PTPRD: variants seen among roughly 807,000 people sequenced by gnomAD.
The protein encoded by PTPRD is receptor-type tyrosine-protein phosphatase delta.
Under a neutral mutation model 214.5 loss-of-function variants are expected in PTPRD, and 34 were observed. The ratio of observed to expected loss-of-function variants is 0.16; its 90% CI spans 0.12 to 0.21. PTPRD has a LOEUF of 0.21. Ranked by LOEUF, PTPRD falls within the 10% of genes least tolerant of loss-of-function variation. The pLI, the probability that PTPRD is intolerant of heterozygous loss-of-function variation, is 1.00. For synonymous variants in PTPRD, 1,128 were observed against 845.7 expected, an observed-to-expected ratio of 1.33 and a Z score of -5.79; for missense variants, 2,545 against 2,398.7, an observed-to-expected ratio of 1.06 and a Z score of -1.27.
chr9:10,084,687 G>C (rs552495578), intron 3 of PTPRD, among the ~76,000 whole-genome samples: 2 of 151,914 alleles, frequency 1.3e-5, no homozygotes, highest in East Asian at 3.9e-4. Context: ...GGTTTTACAA[G>C]ACACACAACT....
intron 11 of PTPRD, among the ~76,000 whole-genome samples, chr9:8,910,918 G>T (rs142047147): frequency 6.6e-6 from 1 of 152,252 alleles, no homozygotes. Flanking sequence ...GTACACAGAA[G>T]ACTACAAAAC....
chr9:9,407,834 T>C (rs1468233964), intron 8 of PTPRD, among the ~76,000 whole-genome samples: 3 of 151,866 alleles, frequency 2.0e-5, no homozygotes, highest in African/African-American at 7.2e-5. Flanking sequence ...TGTATTACTA[T>C]ATTTATGATA....
intron 38 of PTPRD, 124 bp from the exon 39 acceptor site, chr9:8,376,214 T>C: frequency 1.8e-6 from 2 of 1,117,994 alleles, no homozygotes; most frequent in South Asian, 3.3e-5. Flanking sequence ...CTGTAGCCTT[T>C]GGGAAGACAC....
In PTPRD at chr9:10,248,519, A is replaced by AT. The variant is rs2092432135; in HGVS notation, c.-545+92443_-545+92444insA. ...TCAAAGGGTACATATAGCAAAAAAA[A>AT]AAAAAAATAAAAAAAATAAAGCGAG... On this transcript the variant is annotated intron_variant, in intron 3 of 45. Transcript: ENST00000381196. Among the ~76,000 whole-genome samples the AT allele has an allele frequency of 6.3e-5, 9 of 143,276 alleles. No homozygotes were observed. In the South Asian group the frequency reaches 1.7e-3, roughly 28 times the overall value. The allele number at this position is 143,276 out of a possible 152,430, so 94.0% of individuals were successfully genotyped here.
intron 4 of PTPRD, among the ~76,000 whole-genome samples, chr9:9,958,728 T>C (rs934554993): frequency 2.0e-5 from 3 of 152,156 alleles, no homozygotes; most frequent in African/African-American, 7.2e-5. Context: ...CAATTTAAAA[T>C]GCATAAGGTA....
chr9:10,211,761 C>G (rs572791980), intron 3 of PTPRD, among the ~76,000 whole-genome samples: 1 of 152,048 alleles, frequency 6.6e-6, no homozygotes, highest in African/African-American at 2.4e-5. Context: ...CAAACATGGA[C>G]ATAGAGCACA....
At chr9:8,775,019 G>A (rs41427452) in intron 11 of PTPRD, among the ~76,000 whole-genome samples, 2,114 of 152,142 alleles carry the variant, frequency 0.014, 20 homozygotes, top group Admixed American at 0.033. Context: ...TTTTTGATCG[G>A]GCGCCATGGC....
At chr9:9,603,186 T>C (rs569081528) in intron 7 of PTPRD, among the ~76,000 whole-genome samples, 2 of 152,202 alleles carry the variant, frequency 1.3e-5, no homozygotes, top group East Asian at 3.9e-4. Flanking sequence ...GGGTAAACAT[T>C]AAGACTGAAC....
At chr9:10,360,164 A>G (rs1259909795) in intron 2 of PTPRD, among the ~76,000 whole-genome samples, 1 of 152,226 alleles carries the variant, frequency 6.6e-6, no homozygotes, top group Non-Finnish European at 1.5e-5. Context: ...ATATAATAAA[A>G]CTAGAGGCTG....
chr9:8,330,710 A>G lies in PTPRD; in HGVS notation c.5534+872T>C, dbSNP rs544902400. On this transcript the variant is annotated intron_variant, in intron 44 of 45. Transcript: ENST00000381196. ...CATTATCATAGAGCCAAATAATAGA[A>G]TTGAGATTAGAACACAGCTATCTTA... Among the ~76,000 whole-genome samples, 3 of 152,082 alleles carry G rather than the reference A, an allele frequency of 2.0e-5. No individual in the cohort carries two copies. In the South Asian group the frequency reaches 6.2e-4, roughly 31 times the overall value.
intron 3 of PTPRD, among the ~76,000 whole-genome samples, chr9:10,117,110 T>G (rs2098736467): frequency 6.6e-6 from 1 of 152,168 alleles, no homozygotes; most frequent in African/African-American, 2.4e-5. Context: ...ATCTTCTTTT[T>G]TTTCCTGTTT....
intron 2 of PTPRD, among the ~76,000 whole-genome samples, chr9:10,542,280 A>T (rs1352062668): frequency 6.6e-6 from 1 of 152,170 alleles, no homozygotes; most frequent in Non-Finnish European, 1.5e-5. Flanking sequence ...TGAATTTTTT[A>T]TAAGTTCACT....
At chr9:10,552,908 T>C (rs1256436347) in intron 2 of PTPRD, among the ~76,000 whole-genome samples, 1 of 152,196 alleles carries the variant, frequency 6.6e-6, no homozygotes, top group Non-Finnish European at 1.5e-5. Flanking sequence ...TCCCAATAGA[T>C]ACAATCCAGT....
intron 10 of PTPRD, among the ~76,000 whole-genome samples, chr9:9,156,860 T>C (rs2099881627): frequency 2.0e-5 from 3 of 152,174 alleles, no homozygotes; most frequent in Admixed American, 2.0e-4. Flanking sequence ...CTATTCCTAT[T>C]CCACTGGTGT....
intron 2 of PTPRD, among the ~76,000 whole-genome samples, chr9:10,361,052 A>G (rs1598079118): frequency 1.3e-5 from 2 of 152,296 alleles, no homozygotes; most frequent in South Asian, 4.1e-4. Flanking sequence ...TAGTGAGCCG[A>G]GATGGAGCCA....
chr9:8,483,163 T>A (rs1023140829), intron 30 of PTPRD, among the ~76,000 whole-genome samples: 3 of 152,254 alleles, frequency 2.0e-5, no homozygotes, highest in Non-Finnish European at 4.4e-5. Flanking sequence ...CAAACTTATT[T>A]AATTGACTGG....
At position 9,931,012 on chromosome 9, in the gene PTPRD, T is replaced by C. The variant is rs533819858; in HGVS notation, c.-368+7495A>G. Reference sequence around the variant, plus strand: ...TATGCTTTTAACACAAATAGAATTTTACTCCAATTCTGTATTATAACTTGA... The same window carrying C: ...TATGCTTTTAACACAAATAGAATTTCACTCCAATTCTGTATTATAACTTGA... On this transcript the variant is annotated intron_variant, in intron 5 of 45. Transcript: ENST00000381196. Among the ~76,000 whole-genome samples, 5 of 152,278 alleles carry C rather than the reference T, an allele frequency of 3.3e-5. No homozygotes were observed. In the South Asian group the frequency reaches 8.3e-4, roughly 25 times the overall value.
intron 2 of PTPRD, among the ~76,000 whole-genome samples, chr9:10,531,760 A>G (rs914454739): frequency 6.6e-6 from 1 of 152,190 alleles, no homozygotes; most frequent in Admixed American, 6.6e-5. Context: ...CCATGACAAA[A>G]ATCACAAATA....
intron 9 of PTPRD, among the ~76,000 whole-genome samples, chr9:9,247,262 C>T (rs559869961): frequency 6.6e-6 from 1 of 152,032 alleles, no homozygotes; most frequent in Non-Finnish European, 1.5e-5. Context: ...CCTGCACAGA[C>T]AAGCCTTTCT....
Sources: allele counts gnomAD v4.1 joint callset (sites outside exome capture counted in the v4.1 genomes callset), GRCh38; gene constraint gnomAD v4.1.1; transcripts MANE v1.5; gene names NCBI Gene and HGNC (gene_info 2026-07-23, HGNC 2026-07-21).